ATP7B: variants seen among roughly 807,000 people sequenced by gnomAD.
ATP7B encodes ATPase copper transporting beta.
In ATP7B, 113 loss-of-function variants were observed where a neutral mutation model predicts 118.9. That is an observed-to-expected ratio of 0.95 (90% CI 0.82 to 1.11). The LOEUF is 1.11. Among genes scored for constraint, ATP7B ranks in the 50% most tolerant of loss-of-function variants. The pLI is 0.00. For synonymous variants in ATP7B, 777 were observed against 727.4 expected (o/e 1.07, Z -1.10); for missense variants, 1,867 against 1,871.4 (o/e 1.00, Z 0.04).
At position 51,974,966 on chromosome 13, in the gene ATP7B, C is replaced by G; in HGVS notation, c.254G>C (p.Gly85Ala). ...CAGGGAAACCTTCATGCTGATGATG[C>G]CTTTCAAATTGGAAATCCTGTCCTC... is the stretch of plus-strand genomic sequence containing the variant. ...SIEDRISNLK[G>A]IISMKVSLEQ... Residue 85 changes from glycine (G) to alanine (A), a missense_variant, in exon 2 of 21, where the codon GGC becomes GCC. Physicochemically the swap from Gly to Ala is moderately conservative, Grantham distance 60. Coordinates refer to ENST00000242839, the MANE Select transcript of ATP7B (RefSeq NM_000053.4). 4 of 1,614,206 alleles carry G rather than the reference C, an allele frequency of 2.5e-6. No homozygotes were observed. Among genetic ancestry groups the G allele is most frequent in the Non-Finnish European group, 3.4e-6 (4 of 1,180,042 alleles).
At chr13:51,941,887 C>G (rs1957354785) in intron 15 of ATP7B, among the ~76,000 whole-genome samples, 1 of 152,180 alleles carries the variant, frequency 6.6e-6, no homozygotes, top group South Asian at 2.1e-4. Flanking sequence ...TGAGTGTTTT[C>G]CACCCTTTAT....
At chr13:51,982,307 G>A (rs1952460721) in intron 1 of ATP7B, among the ~76,000 whole-genome samples, 1 of 152,134 alleles carries the variant, frequency 6.6e-6, no homozygotes, top group African/African-American at 2.4e-5. Context: ...TGAATTTCTT[G>A]AGGGTATGTC....
chr13:51,959,177 C>T (rs758233840), intron 7 of ATP7B: 30 of 156,690 alleles, frequency 1.9e-4, no homozygotes, highest in Admixed American at 3.7e-4. Context: ...TACTTCAGTA[C>T]GGTTTGAATT....
chr13:52,003,936 G>C (rs913497376), intron 1 of ATP7B, among the ~76,000 whole-genome samples: 1 of 152,218 alleles, frequency 6.6e-6, no homozygotes, highest in Non-Finnish European at 1.5e-5. Flanking sequence ...AAAGTTGTTT[G>C]TCAGGGCTCC....
chr13:51,936,079 A>G (rs1050299841), intron 19 of ATP7B, among the ~76,000 whole-genome samples: 1 of 152,232 alleles, frequency 6.6e-6, no homozygotes, highest in Non-Finnish European at 1.5e-5. Flanking sequence ...CACAGAGGAC[A>G]AACACGGCTG....
chr13:51,949,550 A>G, intron 12 of ATP7B, 112 bp downstream of exon 12: 5 of 1,485,720 alleles, frequency 3.4e-6, no homozygotes, highest in Non-Finnish European at 4.6e-6. Flanking sequence ...GCAAGCAAAT[A>G]AAATGTAATG....
chr13:51,975,887 G>C (rs1952093267), intron 1 of ATP7B, among the ~76,000 whole-genome samples: 1 of 152,228 alleles, frequency 6.6e-6, no homozygotes, highest in Non-Finnish European at 1.5e-5. Flanking sequence ...ACAGAAAGTT[G>C]AGTTTCACAA....
In ATP7B at chr13:52,011,177, C is replaced by T. The variant is rs61958788; in HGVS notation, c.51+110G>A. ...AGACATCCCTGGAGCTGGGGTCTGG[C>T]TCGGCCTTCCCTGCGCACCCCCTGG... is the stretch of plus-strand genomic sequence containing the variant. On this transcript the variant is annotated intron_variant, in intron 1 of 20. Transcript: ENST00000242839. 0.046 allele frequency: 70,298 copies of T among 1,526,568 alleles called. 1,914 individuals are homozygous for T. Among genetic ancestry groups the T allele is most frequent in the South Asian group, 0.09 (8,033 of 89,232 alleles). 94.6% of individuals were successfully genotyped at this position (1,526,568 alleles called of 1,614,324 possible).
intron 1 of ATP7B, chr13:51,995,386 GCCTTCCT>G (rs780162358): frequency 1.7e-5 from 16 of 964,710 alleles, no homozygotes; most frequent in Non-Finnish European, 2.0e-5. Flanking sequence ...ACGGTGGAGT[GCCTTCCT>G]CCACAGTAGA....
chr13:52,008,729 T>C (rs1953892197), intron 1 of ATP7B, among the ~76,000 whole-genome samples: 1 of 152,222 alleles, frequency 6.6e-6, no homozygotes, highest in Non-Finnish European at 1.5e-5. Flanking sequence ...TTTCTCAACC[T>C]AGGCTACTTC....
chr13:51,968,582 C>A lies in ATP7B; in HGVS notation c.1569G>T (p.Leu523Phe). 6.2e-7 allele frequency: 1 copy of A among 1,614,164 alleles called. No individual in the cohort carries two copies. Residue 523 changes from leucine (L) to phenylalanine (F), a missense_variant, in exon 4 of 21, where the codon TTG becomes TTT. Coordinates refer to ENST00000242839, the MANE Select transcript of ATP7B (RefSeq NM_000053.4). ...ACTTGATCTCTGCCTTTCCTGCCAT[C>A]AAGGCAACCAACACGGAGAGAACAC... is the stretch of plus-strand genomic sequence containing the variant. ...EAGVLSVLVA[L>F]MAGKAEIKYD... is the part of the protein sequence containing the mutation.
chr13:51,942,277 C>T, intron 15 of ATP7B, 109 bp downstream of exon 15: 1 of 1,549,482 alleles, frequency 6.5e-7, no homozygotes, highest in South Asian at 1.1e-5. Context: ...GTGCCTTAGC[C>T]ATGAACCGTC....
chr13:52,007,133 C>G (rs1953809220), intron 1 of ATP7B, among the ~76,000 whole-genome samples: 1 of 152,196 alleles, frequency 6.6e-6, no homozygotes, highest in Non-Finnish European at 1.5e-5. Flanking sequence ...CATTCAAGAA[C>G]AACTGTGGTG....
At chr13:51,990,252 G>A (rs1952844949) in intron 1 of ATP7B, among the ~76,000 whole-genome samples, 1 of 152,004 alleles carries the variant, frequency 6.6e-6, no homozygotes, top group Non-Finnish European at 1.5e-5. Context: ...AAGTATTACT[G>A]CTTTTGTCCT....
intron 5 of ATP7B, among the ~76,000 whole-genome samples, chr13:51,964,009 C>A (rs1380798108): frequency 6.6e-6 from 1 of 151,966 alleles, no homozygotes; most frequent in Non-Finnish European, 1.5e-5. Context: ...CAAAATCATG[C>A]CACTGCACTC....
intron 1 of ATP7B, among the ~76,000 whole-genome samples, chr13:52,008,768 C>T (rs1358829736): frequency 6.6e-6 from 1 of 152,224 alleles, no homozygotes; most frequent in Non-Finnish European, 1.5e-5. Context: ...CAGGTCTCTA[C>T]TCAAATCCTA....
intron 1 of ATP7B, among the ~76,000 whole-genome samples, chr13:51,991,214 T>C (rs2140368846): frequency 6.6e-6 from 1 of 152,334 alleles, no homozygotes; most frequent in East Asian, 1.9e-4. Context: ...TCAATGTGTC[T>C]AACATCAATC....
chr13:51,948,313 C>T (rs374930613), intron 12 of ATP7B, among the ~76,000 whole-genome samples: 21 of 151,982 alleles, frequency 1.4e-4, no homozygotes, highest in East Asian at 1.9e-4. Context: ...TTCACAGGCA[C>T]GATCATAGCA....
chr13:51,941,023 A>AT, intron 16 of ATP7B, 58 bp downstream of exon 16: 2 of 1,610,202 alleles, frequency 1.2e-6, no homozygotes, highest in Non-Finnish European at 1.7e-6. Context: ...CTTTTGCCTG[A>AT]TATCTGCAGA....
Sources: gnomAD v4.1 joint callset for allele counts (sites outside exome capture counted in the v4.1 genomes callset) on GRCh38, gnomAD v4.1.1 for gene constraint, MANE v1.5 for transcripts, NCBI Gene and HGNC (gene_info 2026-07-23, HGNC 2026-07-21) for gene names.